C11orf87: variants seen among roughly 807,000 people sequenced by gnomAD.
C11orf87 encodes the protein uncharacterized protein C11orf87.
In C11orf87, 3 loss-of-function variants were observed where a neutral mutation model predicts 9.2. The ratio of observed to expected loss-of-function variants is 0.33; its 90% confidence interval spans 0.15 to 0.84. The LOEUF is 0.84. Ranked by LOEUF, C11orf87 falls within the 40% of genes least tolerant of loss-of-function variation. The probability of loss-of-function intolerance (pLI) is 0.55; values close to 1 mark genes in which losing one functional copy is unlikely to be tolerated. For missense variants in C11orf87, 256 were observed against 270.7 expected, an observed-to-expected ratio of 0.95 and a Z score of 0.38; for synonymous variants, 124 against 124.6, an observed-to-expected ratio of 1.00 and a Z score of 0.03.
chr11:109,423,872 C>A lies in C11orf87; in HGVS notation c.239C>A (p.Ser80Tyr), dbSNP rs1237174441. 1.2e-6 allele frequency: 2 copies of A among 1,614,138 alleles called. No homozygotes were observed. The highest frequency in any genetic ancestry group is 2.2e-5 in the South Asian group (2 of 91,082). ...LIFCLIVLSLSTFHIHKRRMK... is the reference protein window; with the variant it reads ...LIFCLIVLSLYTFHIHKRRMK... ...TTCTGCCTCATCGTGCTGTCCCTCT[C>A]CACTTTCCACATCCACAAGCGTAGG... Residue 80 changes from serine (S) to tyrosine (Y), a missense_variant, in exon 2 of 2, where the codon TCC (serine) becomes TAC (tyrosine). Physicochemically the swap from Ser to Tyr is moderately radical, Grantham distance 144. Coordinates refer to ENST00000327419, the MANE Select transcript of C11orf87 (RefSeq NM_207645.4). The surrounding 1 kb of genome is among the most constrained non-coding windows in gnomAD (Gnocchi z 5.3).
rs148816646 is a variant in C11orf87, at chr11:109,423,689, A to G, written c.56A>G (p.Asn19Ser). The change falls in exon 2 of 2, where the codon AAC becomes AGC. Residue 19 changes from asparagine to serine, a missense_variant. Asn to Ser is a conservative substitution (Grantham distance 46, BLOSUM62 1). Transcript: ENST00000327419. The surrounding 1 kb of genome is among the most constrained non-coding windows in gnomAD (Gnocchi z 5.3). ...CTGGCGTTGCCGCCGTGTCTCCTCA[A>G]CCGGACCTTTGCTTCCCCCAACGCC... Reference protein sequence around the residue: ...LRLALPPCLLNRTFASPNASG... With the variant: ...LRLALPPCLLSRTFASPNASG... The G allele has an allele frequency of 6.2e-7, 1 of 1,611,426 alleles. No homozygotes were observed. The highest frequency in any genetic ancestry group is 1.3e-5 in the African/African-American group (1 of 74,886).
rs961919895 is a variant in C11orf87 at position 109,427,141 on chromosome 11, G to A, written c.*2914G>A. ...GGAGCAAGAGAAATAAAAGCATTATGTATATTGTAAAACAAATGATCTCAA... is the reference window on the plus strand; with the variant it reads ...GGAGCAAGAGAAATAAAAGCATTATATATATTGTAAAACAAATGATCTCAA... On this transcript the variant is annotated 3_prime_UTR_variant, in exon 2 of 2. Transcript: ENST00000327419. 1 of 152,142 alleles carries A rather than the reference G, an allele frequency of 6.6e-6. No individual in the cohort carries two copies. The allele number at this position is 152,142 out of a possible 1,614,324, so 9.4% of individuals were successfully genotyped here. A position where few individuals can be genotyped will look rare whatever the true frequency, so the allele number is the denominator to read the frequency against.
At position 109,423,419 on chromosome 11, in the gene C11orf87, A is replaced by C; in HGVS notation, c.-215A>C. 1.7e-6 allele frequency: 1 copy of C among 583,882 alleles called. No individual in the cohort carries two copies. Among genetic ancestry groups the C allele is most frequent in the Admixed American group, 3.2e-5 (1 of 31,676 alleles). The allele number at this position is 583,882 out of a possible 1,614,324, so 36.2% of individuals were successfully genotyped here. ...AAAGGGGAGCGTGGAGACGTGTTCG[A>C]GGTGGTATCGGCGAGGATCTCTCGG... is the stretch of plus-strand genomic sequence containing the variant. On this transcript the variant is annotated 5_prime_UTR_variant, in exon 2 of 2. Coordinates refer to ENST00000327419, the MANE Select transcript of C11orf87 (RefSeq NM_207645.4). This position sits in a 1 kb window ranked among gnomAD's most constrained non-coding sequence, Gnocchi z 5.3.
At position 109,423,010 on chromosome 11, in the gene C11orf87, C is replaced by T. The variant is rs1860514626; in HGVS notation, c.-259-365C>T. Reference sequence around the variant, plus strand: ...GTAGGATCCAGGCGAAGACATCAACCGAGAGGGCGCAGAAAAGAGGAGAGC... The same window carrying T: ...GTAGGATCCAGGCGAAGACATCAACTGAGAGGGCGCAGAAAAGAGGAGAGC... On this transcript the variant is annotated intron_variant, in intron 1 of 1. Coordinates refer to ENST00000327419, the MANE Select transcript of C11orf87 (RefSeq NM_207645.4). The surrounding 1 kb of genome is among the most constrained non-coding windows in gnomAD (Gnocchi z 5.3). 6.6e-6 allele frequency among the ~76,000 whole-genome samples: 1 copy of T among 151,998 alleles called. No individual in the cohort carries two copies. The highest frequency in any genetic ancestry group is 6.5e-5 in the Admixed American group (1 of 15,272).
At position 109,426,630 on chromosome 11, in the gene C11orf87, C is replaced by G. The variant is rs181172613; in HGVS notation, c.*2403C>G. On this transcript the variant is annotated 3_prime_UTR_variant, in exon 2 of 2. Coordinates refer to ENST00000327419, the MANE Select transcript of C11orf87 (RefSeq NM_207645.4). ...AGGTAAAAGAGTGCATTAACTCCCTCAGGCCACTAGGGAATCCTGTAGTGC... is the reference window on the plus strand; with the variant it reads ...AGGTAAAAGAGTGCATTAACTCCCTGAGGCCACTAGGGAATCCTGTAGTGC... 5 of 152,290 alleles carry G rather than the reference C, an allele frequency of 3.3e-5. No individual in the cohort carries two copies. The highest frequency in any genetic ancestry group is 2.0e-4 in the Admixed American group (3 of 15,300). The allele number at this position is 152,290 out of a possible 1,614,324, so 9.4% of individuals were successfully genotyped here. A position where few individuals can be genotyped will look rare whatever the true frequency, so the allele number is the denominator to read the frequency against.
rs916690599 is a variant in C11orf87, at chr11:109,425,335, T to C, written c.*1108T>C. 11 of 167,036 alleles carry C rather than the reference T, an allele frequency of 6.6e-5. No homozygotes were observed. The highest frequency in any genetic ancestry group is 1.3e-4 in the Non-Finnish European group (9 of 68,116). The allele number at this position is 167,036 out of a possible 1,614,324, so 10.3% of individuals were successfully genotyped here. ...TGTGCAGTACTGAAAGTGCAGTATC[T>C]AACCAACTAGAACGTTTGTTTTATT... On this transcript the variant is annotated 3_prime_UTR_variant, in exon 2 of 2. Coordinates refer to ENST00000327419, the MANE Select transcript of C11orf87 (RefSeq NM_207645.4).
In C11orf87 at chr11:109,423,732, G is replaced by C. The variant is rs369219861; in HGVS notation, c.99G>C (p.Thr33=). 2.5e-6 allele frequency: 4 copies of C among 1,613,566 alleles called. No individual in the cohort carries two copies. In the African/African-American group the frequency reaches 4.0e-5, roughly 16 times the overall value. Residue 33 remains threonine, a synonymous_variant, in exon 2 of 2, where the codon ACG becomes ACC. Coordinates refer to ENST00000327419, the MANE Select transcript of C11orf87 (RefSeq NM_207645.4). This position sits in a 1 kb window ranked among gnomAD's most constrained non-coding sequence, Gnocchi z 5.3. The stretch of plus-strand genomic sequence containing the variant: ...CCAACGCCAGCGGCAGCGGCAACAC[G>C]GGTGCCCGCGGCCCAGGCGCAGTAG... The part of the protein sequence containing the change: ...ASPNASGSGN[T]GARGPGAVGS...
rs1274688612 is a variant in C11orf87 at position 109,423,284 on chromosome 11, A to T, written c.-259-91A>T. 2 of 349,758 alleles carry T rather than the reference A, an allele frequency of 5.7e-6. No homozygotes were observed. Among genetic ancestry groups the T allele is most frequent in the African/African-American group, 4.4e-5 (2 of 45,854 alleles). 21.7% of individuals were successfully genotyped at this position (349,758 alleles called of 1,614,324 possible). On this transcript the variant is annotated intron_variant, in intron 1 of 1. Transcript: ENST00000327419. This position sits in a 1 kb window ranked among gnomAD's most constrained non-coding sequence, Gnocchi z 5.3. Reference sequence around the variant, plus strand: ...AGCGCCCAGCTCAGGCAGTGTGCCCAGAGGGCCGCTTTGCGGTGGTGGTTG... The same window carrying T: ...AGCGCCCAGCTCAGGCAGTGTGCCCTGAGGGCCGCTTTGCGGTGGTGGTTG...
Position 109,428,209 on chromosome 11 carries a change from T to G in C11orf87, c.*3982T>G, listed in dbSNP as rs1374240360. On this transcript the variant is annotated 3_prime_UTR_variant, in exon 2 of 2. Coordinates refer to ENST00000327419, the MANE Select transcript of C11orf87 (RefSeq NM_207645.4). ...CAAACCTGGAACCTGGATTGTGGTT[T>G]GATTTTTTTCATTTTCAACCTATAT... The G allele has an allele frequency of 1.3e-5, 2 of 152,282 alleles. No individual in the cohort carries two copies. Among genetic ancestry groups the G allele is most frequent in the Admixed American group, 6.5e-5 (1 of 15,310 alleles). 9.4% of individuals were successfully genotyped at this position (152,282 alleles called of 1,614,324 possible).
Position 109,423,348 on chromosome 11 carries a change from T to G in C11orf87, c.-259-27T>G. The G allele has an allele frequency of 8.0e-6, 4 of 497,772 alleles. No homozygotes were observed. The highest frequency in any genetic ancestry group is 7.1e-6 in the Non-Finnish European group (2 of 282,108). 30.8% of individuals were successfully genotyped at this position (497,772 alleles called of 1,614,324 possible). A position where few individuals can be genotyped will look rare whatever the true frequency, so the allele number is the denominator to read the frequency against. On this transcript the variant is annotated intron_variant, in intron 1 of 1. Transcript: ENST00000327419. The surrounding 1 kb of genome is among the most constrained non-coding windows in gnomAD (Gnocchi z 5.3). Reference sequence around the variant, plus strand: ...GCACTCCCCTGGGCAGCGGCCGAGATTCTAACTAAGCTTTGTGTCTTTGCA... The same window carrying G: ...GCACTCCCCTGGGCAGCGGCCGAGAGTCTAACTAAGCTTTGTGTCTTTGCA...
rs1252999153 is a variant in C11orf87, at chr11:109,426,945, C to G, written c.*2718C>G. ...ATAAGATGTTCTGTTGTGAGCAGTG[C>G]TGGATAACGATTCCATTTTCTTGGT... On this transcript the variant is annotated 3_prime_UTR_variant, in exon 2 of 2. Coordinates refer to ENST00000327419, the MANE Select transcript of C11orf87 (RefSeq NM_207645.4). 2 of 152,142 alleles carry G rather than the reference C, an allele frequency of 1.3e-5. No individual in the cohort carries two copies. Among genetic ancestry groups the G allele is most frequent in the East Asian group, 3.8e-4 (2 of 5,200 alleles). 9.4% of individuals were successfully genotyped at this position (152,142 alleles called of 1,614,324 possible). A position where few individuals can be genotyped will look rare whatever the true frequency, so the allele number is the denominator to read the frequency against.
At position 109,424,022 on chromosome 11, in the gene C11orf87, G is replaced by T. The variant is rs746570507; in HGVS notation, c.389G>T (p.Arg130Leu). 9.3e-6 allele frequency: 15 copies of T among 1,614,020 alleles called. No individual in the cohort carries two copies. The South Asian group carries it at 1.3e-4, about 14-fold the overall frequency. Residue 130 changes from arginine to leucine, a missense_variant, in exon 2 of 2, where the codon CGG (arginine) becomes CTG (leucine). By Grantham distance (102) the Arg-to-Leu change is moderately radical. Coordinates refer to ENST00000327419, the MANE Select transcript of C11orf87 (RefSeq NM_207645.4). The surrounding 1 kb of genome is among the most constrained non-coding windows in gnomAD (Gnocchi z 4.7). ...RQAPTHAKET[R>L]LERQPRDSPF... is the part of the protein sequence containing the mutation. ...GCCCCAACCCACGCAAAGGAAACCCGGCTGGAGAGGCAGCCCCGGGACTCT... is the reference window on the plus strand; with the variant it reads ...GCCCCAACCCACGCAAAGGAAACCCTGCTGGAGAGGCAGCCCCGGGACTCT...
At position 109,423,718 on chromosome 11, in the gene C11orf87, G is replaced by A. The variant is rs769295324; in HGVS notation, c.85G>A (p.Gly29Ser). Residue 29 changes from glycine (G) to serine (S), a missense_variant, in exon 2 of 2, where the codon GGC (glycine) becomes AGC (serine). Gly to Ser is a moderately conservative substitution (Grantham distance 56). Transcript: ENST00000327419. This position sits in a 1 kb window ranked among gnomAD's most constrained non-coding sequence, Gnocchi z 5.3. ...GACCTTTGCTTCCCCCAACGCCAGC[G>A]GCAGCGGCAACACGGGTGCCCGCGG... ...NRTFASPNAS[G>S]SGNTGARGPG... 1.9e-5 allele frequency: 30 copies of A among 1,613,382 alleles called. No homozygotes were observed. Among genetic ancestry groups the A allele is most frequent in the Non-Finnish European group, 2.5e-5 (29 of 1,179,878 alleles).
chr11:109,423,206 T>G lies in C11orf87; in HGVS notation c.-259-169T>G, dbSNP rs1860518028. On this transcript the variant is annotated intron_variant, in intron 1 of 1. Transcript: ENST00000327419. The surrounding 1 kb of genome is among the most constrained non-coding windows in gnomAD (Gnocchi z 5.3). Reference sequence around the variant, plus strand: ...GGCATGAGCAGGCTGCTGGTGGCTCTGGTGCACGGCCACGGGCCGGCAGGC... The same window carrying G: ...GGCATGAGCAGGCTGCTGGTGGCTCGGGTGCACGGCCACGGGCCGGCAGGC... 6.6e-6 allele frequency among the ~76,000 whole-genome samples: 1 copy of G among 152,188 alleles called. No individual in the cohort carries two copies. The highest frequency in any genetic ancestry group is 2.4e-5 in the African/African-American group (1 of 41,452).
Position 109,423,399 on chromosome 11 carries a change from G to C in C11orf87, c.-235G>C, listed in dbSNP as rs141503972. Reference sequence around the variant, plus strand: ...GCCTGGTGCCTCTGCAAAGGAAAGGGGAGCGTGGAGACGTGTTCGAGGTGG... The same window carrying C: ...GCCTGGTGCCTCTGCAAAGGAAAGGCGAGCGTGGAGACGTGTTCGAGGTGG... On this transcript the variant is annotated 5_prime_UTR_variant, in exon 2 of 2. Transcript: ENST00000327419. The surrounding 1 kb of genome is among the most constrained non-coding windows in gnomAD (Gnocchi z 5.3). 3 of 575,252 alleles carry C rather than the reference G, an allele frequency of 5.2e-6. No homozygotes were observed. The highest frequency in any genetic ancestry group is 2.3e-5 in the South Asian group (1 of 43,808). 35.6% of individuals were successfully genotyped at this position (575,252 alleles called of 1,614,324 possible).
Position 109,426,401 on chromosome 11 carries a change from A to G in C11orf87, c.*2174A>G, listed in dbSNP as rs1478844824. On this transcript the variant is annotated 3_prime_UTR_variant, in exon 2 of 2. Coordinates refer to ENST00000327419, the MANE Select transcript of C11orf87 (RefSeq NM_207645.4). ...TTTTTGGTCATCTATTAAATTGCCC[A>G]AGCTCAGTTTGCATCTTTTATAAAA... The G allele has an allele frequency of 2.0e-5, 3 of 152,358 alleles. No homozygotes were observed. Among genetic ancestry groups the G allele is most frequent in the East Asian group, 3.9e-4 (2 of 5,190 alleles). 9.4% of individuals were successfully genotyped at this position (152,358 alleles called of 1,614,324 possible). A position where few individuals can be genotyped will look rare whatever the true frequency, so the allele number is the denominator to read the frequency against.
At position 109,424,824 on chromosome 11, in the gene C11orf87, G is replaced by C. The variant is rs1367322320; in HGVS notation, c.*597G>C. ...TCTACATTAAGCACCAGGACTGCAAGAGGCCATAGAGAATAGTCCCCGGAA... is the reference window on the plus strand; with the variant it reads ...TCTACATTAAGCACCAGGACTGCAACAGGCCATAGAGAATAGTCCCCGGAA... On this transcript the variant is annotated 3_prime_UTR_variant, in exon 2 of 2. Transcript: ENST00000327419. The surrounding 1 kb of genome is among the most constrained non-coding windows in gnomAD (Gnocchi z 4.7). 6.0e-6 allele frequency: 1 copy of C among 167,092 alleles called. No individual in the cohort carries two copies. Among genetic ancestry groups the C allele is most frequent in the Non-Finnish European group, 1.5e-5 (1 of 68,178 alleles). The allele number at this position is 167,092 out of a possible 1,614,324, so 10.4% of individuals were successfully genotyped here. A position where few individuals can be genotyped will look rare whatever the true frequency, so the allele number is the denominator to read the frequency against.
At position 109,426,523 on chromosome 11, in the gene C11orf87, G is replaced by A. The variant is rs1276921111; in HGVS notation, c.*2296G>A. The stretch of plus-strand genomic sequence containing the variant: ...GAAGCATGCCATCTTGTAATATTAG[G>A]AAGACCAGGTATAATCTTTGGGTAC... On this transcript the variant is annotated 3_prime_UTR_variant, in exon 2 of 2. Transcript: ENST00000327419. 1.3e-5 allele frequency: 2 copies of A among 152,132 alleles called. No individual in the cohort carries two copies. The highest frequency in any genetic ancestry group is 2.9e-5 in the Non-Finnish European group (2 of 68,032). The allele number at this position is 152,132 out of a possible 1,614,324, so 9.4% of individuals were successfully genotyped here.
rs961688467 is a variant in C11orf87, at chr11:109,422,209, C to T, written c.-314C>T. On this transcript the variant is annotated 5_prime_UTR_variant, in exon 1 of 2. Transcript: ENST00000327419. ...CCATTCACTCCACGCTTTCTGCAGC[C>T]GCCACTGCAGCCGCGCGGCGGGGGC... 24 of 204,572 alleles carry T rather than the reference C, an allele frequency of 1.2e-4. No individual in the cohort carries two copies. The highest frequency in any genetic ancestry group is 2.1e-4 in the Non-Finnish European group (21 of 101,552). The allele number at this position is 204,572 out of a possible 1,614,324, so 12.7% of individuals were successfully genotyped here.
Sources: gnomAD v4.1 joint callset for allele counts (sites outside exome capture counted in the v4.1 genomes callset) on GRCh38, gnomAD v4.1.1 for gene constraint, Gnocchi (gnomAD v3.1) non-coding constraint, MANE v1.5 for transcripts, NCBI Gene and HGNC (gene_info 2026-07-23, HGNC 2026-07-21) for gene names.